Variants in TAF4B observed in about 807,000 individuals in gnomAD.
TAF4B encodes transcription initiation factor TFIID subunit 4B.
Under a neutral mutation model 86.4 loss-of-function variants are expected in TAF4B, and 38 were observed. The observed-to-expected ratio is 0.44, with a 90% CI of 0.34 to 0.58. The LOEUF is 0.58. Among genes scored for constraint, TAF4B ranks in the 20% least tolerant of loss-of-function variants. The pLI is 0.02. For missense variants in TAF4B, 988 were observed against 1,027.6 expected (o/e 0.96, Z 0.53); for synonymous variants, 388 against 391.2 (o/e 0.99, Z 0.10).
intron 10 of TAF4B, among the ~76,000 whole-genome samples, chr18:26,316,432 CCAGGCTGGAGTG>C (rs1330747917): frequency 6.6e-6 from 1 of 151,916 alleles, no homozygotes; most frequent in Non-Finnish European, 1.5e-5. Flanking sequence ...ACTCTGTCAC[CCAGGCTGGAGTG>C]CAGTGGTGCC....
At chr18:26,269,209 AAC>A (rs1029907122) in intron 3 of TAF4B, among the ~76,000 whole-genome samples, 1 of 145,758 alleles carries the variant, frequency 6.9e-6, no homozygotes, top group African/African-American at 2.5e-5. Context: ...AGAAATGGGA[AAC>A]ACAAAGTCCT....
chr18:26,239,277 C>G (rs1213340320), intron 1 of TAF4B, among the ~76,000 whole-genome samples: 1 of 152,206 alleles, frequency 6.6e-6, no homozygotes, highest in East Asian at 1.9e-4. Context: ...TTAATGATTG[C>G]CATTCTAACT....
chr18:26,257,394 G>A lies in TAF4B; in HGVS notation c.344-7776G>A, dbSNP rs114325109. Among the ~76,000 whole-genome samples, 734 of 152,202 alleles carry A rather than the reference G, an allele frequency of 4.8e-3. 8 individuals carry two copies. The highest frequency in any genetic ancestry group is 0.017 in the African/African-American group (695 of 41,548). On this transcript the variant is annotated intron_variant, in intron 1 of 14. Transcript: ENST00000269142. Reference sequence around the variant, plus strand: ...CTACAGCTTTCTTGTGGTTCTGTTTGTATGATGTCTTTTATTTTCAACTCT... The same window carrying A: ...CTACAGCTTTCTTGTGGTTCTGTTTATATGATGTCTTTTATTTTCAACTCT...
At chr18:26,292,159 A>G (rs1598765834) in intron 7 of TAF4B, 87 bp from the exon 8 acceptor site, 47 of 1,429,350 alleles carry the variant, frequency 3.3e-5, no homozygotes, top group Non-Finnish European at 3.7e-6. Context: ...TGGCTGGGGG[A>G]ACACAATCTG....
intron 1 of TAF4B, among the ~76,000 whole-genome samples, chr18:26,235,571 C>T (rs551760133): frequency 6.6e-6 from 1 of 152,258 alleles, no homozygotes; most frequent in East Asian, 1.9e-4. Context: ...ACCAGAGTGC[C>T]TGGACTTGAG....
chr18:26,362,820 GTCCACATCTGT>G (rs2144315721), intron 14 of TAF4B, among the ~76,000 whole-genome samples: 1 of 152,236 alleles, frequency 6.6e-6, no homozygotes, highest in African/African-American at 2.4e-5. Context: ...TGTGGGTTCT[GTCCACATCTGT>G]GTATTCAGCC....
chr18:26,247,931 A>C (rs1365671535), intron 1 of TAF4B, among the ~76,000 whole-genome samples: 2 of 148,914 alleles, frequency 1.3e-5, no homozygotes, highest in Non-Finnish European at 1.5e-5. Context: ...GCTGGAATGC[A>C]TTAGTACAAT....
chr18:26,308,247 G>C (rs962762700), intron 9 of TAF4B, among the ~76,000 whole-genome samples: 3 of 152,028 alleles, frequency 2.0e-5, no homozygotes, highest in African/African-American at 7.2e-5. Context: ...TAATAAAAAA[G>C]AGAGAGAGAA....
chr18:26,346,955 C>T (rs2057204022), intron 13 of TAF4B, among the ~76,000 whole-genome samples: 2 of 137,986 alleles, frequency 1.4e-5, no homozygotes, highest in Admixed American at 7.5e-5. Flanking sequence ...GAGTCTTGCT[C>T]TGTCACCCAG....
At position 26,285,872 on chromosome 18, in the gene TAF4B, G is replaced by A. The variant is rs1206166739; in HGVS notation, c.973-10G>A. 8 of 1,595,196 alleles carry A rather than the reference G, an allele frequency of 5.0e-6. No homozygotes were observed. Among genetic ancestry groups the A allele is most frequent in the Non-Finnish European group, 6.8e-6 (8 of 1,169,988 alleles). On this transcript the variant is annotated splice_polypyrimidine_tract_variant and intron_variant, in intron 6 of 14. Coordinates refer to ENST00000269142, the MANE Select transcript of TAF4B (RefSeq NM_005640.3). The stretch of plus-strand genomic sequence containing the variant: ...TAGCAGTGTTTTTTTCCATTCCTCT[G>A]CATTTCCAGAAAAGCGTGGTTGCCT...
chr18:26,325,405 G>A (rs1229872253), intron 11 of TAF4B, among the ~76,000 whole-genome samples: 1 of 152,166 alleles, frequency 6.6e-6, no homozygotes, highest in African/African-American at 2.4e-5. Context: ...TCTTCAGTTA[G>A]GCCAGCTGGG....
intron 3 of TAF4B, among the ~76,000 whole-genome samples, chr18:26,268,015 G>A (rs1462429592): frequency 1.3e-5 from 2 of 152,158 alleles, no homozygotes; most frequent in Non-Finnish European, 2.9e-5. Flanking sequence ...GAACTTTGGA[G>A]GATATATGGC....
chr18:26,314,594 G>T (rs1176691564), intron 9 of TAF4B, among the ~76,000 whole-genome samples: 1 of 152,128 alleles, frequency 6.6e-6, no homozygotes, highest in Admixed American at 6.6e-5. Flanking sequence ...CACACCAAAA[G>T]TCTGAAACAG....
chr18:26,251,028 C>T (rs570851194), intron 1 of TAF4B, among the ~76,000 whole-genome samples: 10 of 152,110 alleles, frequency 6.6e-5, no homozygotes, highest in African/African-American at 1.4e-4. Flanking sequence ...AAAACTGTGA[C>T]GTGAAAAATG....
intron 1 of TAF4B, among the ~76,000 whole-genome samples, chr18:26,250,188 C>G (rs1029989971): frequency 2.0e-5 from 3 of 152,112 alleles, no homozygotes; most frequent in African/African-American, 4.8e-5. Flanking sequence ...CAGGTACCAC[C>G]AGGCTTAGCT....
intron 13 of TAF4B, among the ~76,000 whole-genome samples, chr18:26,336,641 G>A (rs2057094045): frequency 6.6e-6 from 1 of 152,150 alleles, no homozygotes; most frequent in African/African-American, 2.4e-5. Flanking sequence ...AAAATTATTA[G>A]TATGAGAACT....
rs909446063 is a variant in TAF4B at position 26,292,157 on chromosome 18, G to T, written c.1591-89G>T. 2.1e-6 allele frequency: 3 copies of T among 1,416,374 alleles called. No individual in the cohort carries two copies. In the Admixed American group the frequency reaches 7.3e-5, roughly 34 times the overall value. The allele number at this position is 1,416,374 out of a possible 1,614,324, so 87.7% of individuals were successfully genotyped here. ...AGATAAAGGTATATTTATGGCTGGG[G>T]GAACACAATCTGTTGTTTAAAACTG... On this transcript the variant is annotated intron_variant, in intron 7 of 14. Coordinates refer to ENST00000269142, the MANE Select transcript of TAF4B (RefSeq NM_005640.3).
chr18:26,296,562 G>A (rs556611265), intron 9 of TAF4B, among the ~76,000 whole-genome samples: 1 of 152,168 alleles, frequency 6.6e-6, no homozygotes, highest in East Asian at 1.9e-4. Context: ...TTATAGTTTG[G>A]AGTTTGGGTA....
intron 1 of TAF4B, among the ~76,000 whole-genome samples, chr18:26,258,913 G>C (rs1290776982): frequency 1.3e-5 from 2 of 150,438 alleles, no homozygotes. Context: ...TGTCCAGTCT[G>C]GTCTCAAACT....
Sources: allele counts gnomAD v4.1 joint callset (sites outside exome capture counted in the v4.1 genomes callset), GRCh38; gene constraint gnomAD v4.1.1; transcripts MANE v1.5; gene names NCBI Gene and HGNC (gene_info 2026-07-23, HGNC 2026-07-21).